MPHOSPH8: variants seen among roughly 807,000 people sequenced by gnomAD.
MPHOSPH8 encodes the protein M-phase phosphoprotein, mpp.
Under a neutral mutation model 87.3 loss-of-function variants are expected in MPHOSPH8, and 45 were observed. The ratio of observed to expected loss-of-function variants is 0.52; its 90% CI spans 0.41 to 0.66. The LOEUF is 0.66. Among genes scored for constraint, MPHOSPH8 ranks in the 30% least tolerant of loss-of-function variants. MPHOSPH8 has a pLI of 0.00. For synonymous variants in MPHOSPH8, 366 were observed against 376.9 expected (o/e 0.97, Z 0.33); for missense variants, 883 against 1,020.2 (o/e 0.87, Z 1.83).
chr13:19,659,702 TA>T lies in MPHOSPH8; in HGVS notation c.1791+420del, dbSNP rs1232296391. On this transcript the variant is annotated intron_variant, in intron 7 of 13. Transcript: ENST00000361479. The stretch of plus-strand genomic sequence containing the variant: ...AATAATGCACGTTCACTTTGTAAAA[TA>T]AAAAAATTGTAGAACCCTATAAATG... 1.4e-5 allele frequency: 6 copies of T among 424,736 alleles called. No individual in the cohort carries two copies. In the East Asian group the frequency reaches 2.1e-4, roughly 15 times the overall value. 26.3% of individuals were successfully genotyped at this position (424,736 alleles called of 1,614,324 possible). A position where few individuals can be genotyped will look rare whatever the true frequency, so the allele number is the denominator to read the frequency against.
chr13:19,671,346 T>A (rs1876116061), intron 13 of MPHOSPH8, 57 bp downstream of exon 13: 1 of 1,484,220 alleles, frequency 6.7e-7, no homozygotes, highest in Non-Finnish European at 9.4e-7. Flanking sequence ...TCCAGATTAC[T>A]TTATCAACAT....
chr13:19,663,005 T>G (rs1433332173), intron 8 of MPHOSPH8, 35 bp from the exon 9 acceptor site: 2 of 1,504,396 alleles, frequency 1.3e-6, no homozygotes, highest in Non-Finnish European at 1.8e-6. Context: ...TTAAATAATT[T>G]GGGAAATTAA....
chr13:19,656,526 G>A (rs959404158), intron 5 of MPHOSPH8, among the ~76,000 whole-genome samples: 4 of 152,116 alleles, frequency 2.6e-5, no homozygotes, highest in South Asian at 4.2e-4. Context: ...TTGGGAGGCC[G>A]AGGCGGGTGG....
At chr13:19,668,788 A>C (rs558725187) in intron 11 of MPHOSPH8, among the ~76,000 whole-genome samples, 1 of 149,744 alleles carries the variant, frequency 6.7e-6, no homozygotes, top group African/African-American at 2.5e-5. Context: ...TTTTATTAAA[A>C]TTCAGCGTCA....
intron 2 of MPHOSPH8, among the ~76,000 whole-genome samples, chr13:19,644,006 T>C (rs1874441115): frequency 6.6e-6 from 1 of 152,262 alleles, no homozygotes; most frequent in Non-Finnish European, 1.5e-5. Flanking sequence ...CTTTCTACTG[T>C]GAATGACAAA....
chr13:19,661,414 T>TA (rs1449606857), intron 7 of MPHOSPH8, among the ~76,000 whole-genome samples: 2 of 152,134 alleles, frequency 1.3e-5, no homozygotes, highest in African/African-American at 4.8e-5. Flanking sequence ...CTTCCCTTTG[T>TA]AAAAAACACA....
At chr13:19,637,839 C>T (rs753564043) in intron 1 of MPHOSPH8, among the ~76,000 whole-genome samples, 10 of 151,928 alleles carry the variant, frequency 6.6e-5, no homozygotes, top group Non-Finnish European at 2.9e-5. Flanking sequence ...CGGTGGGTCA[C>T]GCCTGTAATC....
rs1873831609 is a variant in MPHOSPH8 at position 19,633,733 on chromosome 13, T to C, written c.-16T>C. 1 of 1,575,390 alleles carries C rather than the reference T, an allele frequency of 6.3e-7. No homozygotes were observed. The highest frequency in any genetic ancestry group is 1.2e-5 in the South Asian group (1 of 86,212). On this transcript the variant is annotated 5_prime_UTR_variant, in exon 1 of 14. Transcript: ENST00000361479. The stretch of plus-strand genomic sequence containing the variant: ...GTCGCAGCGGGTTTTCCTCGGCGGT[T>C]TGCGGAGCTGCTAGGATGGAGCAGG...
chr13:19,656,277 C>CAA (rs71198922), intron 5 of MPHOSPH8, among the ~76,000 whole-genome samples: 41,645 of 72,096 alleles, frequency 0.58, 14,246 homozygotes, highest in East Asian at 0.81. Flanking sequence ...AGACTGTTGT[C>CAA]AAAAAAAAAA....
At chr13:19,651,907 G>A (rs1874869592) in intron 5 of MPHOSPH8, among the ~76,000 whole-genome samples, 1 of 151,922 alleles carries the variant, frequency 6.6e-6, no homozygotes, top group African/African-American at 2.4e-5. Flanking sequence ...AGACCAGCCT[G>A]GACAACATGC....
intron 4 of MPHOSPH8, 85 bp downstream of exon 4, chr13:19,648,606 T>G (rs1251128294): frequency 1.8e-6 from 1 of 561,268 alleles, no homozygotes. Flanking sequence ...ATATAAAAAT[T>G]TATATAATTT....
rs138867095 is a variant in MPHOSPH8, at chr13:19,646,813, A to G, written c.740A>G (p.Lys247Arg). The G allele has an allele frequency of 1.7e-4, 264 of 1,592,864 alleles. No homozygotes were observed. The African/African-American group carries it at 3.3e-3, about 20-fold the overall frequency. The change falls in exon 3 of 14, where the codon AAA becomes AGA. Residue 247 changes from lysine (K) to arginine (R), a missense_variant. By Grantham distance (26) the Lys-to-Arg change is conservative. Coordinates refer to ENST00000361479, the MANE Select transcript of MPHOSPH8 (RefSeq NM_017520.4). ...AAGACGAAAACAAGAGAAGATCCCAAAGAAAATAGAAAAACAAAAAAAGAA... is the reference window on the plus strand; with the variant it reads ...AAGACGAAAACAAGAGAAGATCCCAGAGAAAATAGAAAAACAAAAAAAGAA... ...DLKTKTREDP[K>R]ENRKTKKEKF...
In MPHOSPH8 at chr13:19,646,740, G is replaced by A. The variant is rs775673965; in HGVS notation, c.667G>A (p.Glu223Lys). ...AAAGCCCAAAAAAGATGAAGTAAAA[G>A]AAACAAAAGAATTAAAGAAAGTTAA... ...SKKPKKDEVK[E>K]TKELKKVKKG... The change falls in exon 3 of 14, where the codon GAA (glutamate) becomes AAA (lysine). Residue 223 changes from glutamate to lysine, a missense_variant. Physicochemically the swap from Glu to Lys is moderately conservative, Grantham distance 56. Transcript: ENST00000361479. The A allele has an allele frequency of 6.3e-7, 1 of 1,585,456 alleles. No homozygotes were observed. Among genetic ancestry groups the A allele is most frequent in the Non-Finnish European group, 8.5e-7 (1 of 1,169,926 alleles).
intron 9 of MPHOSPH8, among the ~76,000 whole-genome samples, chr13:19,665,705 G>A (rs1281841431): frequency 2.6e-5 from 4 of 152,342 alleles, no homozygotes; most frequent in Non-Finnish European, 4.4e-5. Flanking sequence ...AAGTGACGCT[G>A]CTGCCCCAGC....
At chr13:19,650,333 T>G in intron 5 of MPHOSPH8, 73 bp downstream of exon 5, 1 of 1,478,482 alleles carries the variant, frequency 6.8e-7, no homozygotes. Context: ...CTTCTCTGTA[T>G]TTCTGATCTC....
chr13:19,669,970 C>G (rs1023202976), intron 11 of MPHOSPH8, among the ~76,000 whole-genome samples: 5 of 152,218 alleles, frequency 3.3e-5, no homozygotes, highest in African/African-American at 1.2e-4. Flanking sequence ...AGTTAAATAA[C>G]TTCAGTGTAG....
In MPHOSPH8 at chr13:19,665,076, G is replaced by A. The variant is rs112151270; in HGVS notation, c.2020-1349G>A. Among the ~76,000 whole-genome samples, 167 of 152,198 alleles carry A rather than the reference G, an allele frequency of 1.1e-3. 1 individual carries two copies. The highest frequency in any genetic ancestry group is 3.3e-3 in the African/African-American group (138 of 41,530). ...AGGGCTGTGTGCCTTGCTGAGGTAC[G>A]TGTGTTGAGTTGGGGAGTGGGGTGC... is the stretch of plus-strand genomic sequence containing the variant. On this transcript the variant is annotated intron_variant, in intron 9 of 13. Transcript: ENST00000361479.
rs1009054356 is a variant in MPHOSPH8 at position 19,670,726 on chromosome 13, TTGTAC to T, written c.2457+368_2457+372del. ...TTGCTAGATATAGACATTTTAACAC[TTGTAC>T]TGTATATTGCTGGGGGCATTCTAAT... On this transcript the variant is annotated intron_variant, in intron 12 of 13. Coordinates refer to ENST00000361479, the MANE Select transcript of MPHOSPH8 (RefSeq NM_017520.4). The T allele has an allele frequency of 1.2e-5, 14 of 1,164,446 alleles. No homozygotes were observed. The African/African-American group carries it at 2.1e-4, about 18-fold the overall frequency. The allele number at this position is 1,164,446 out of a possible 1,614,324, so 72.1% of individuals were successfully genotyped here.
rs1874397945 is a variant in MPHOSPH8, at chr13:19,643,385, A to G, written c.369+1115A>G. Among the ~76,000 whole-genome samples the G allele has an allele frequency of 2.0e-5, 3 of 152,106 alleles. No homozygotes were observed. In the South Asian group the frequency reaches 6.2e-4, roughly 32 times the overall value. On this transcript the variant is annotated intron_variant, in intron 2 of 13. Coordinates refer to ENST00000361479, the MANE Select transcript of MPHOSPH8 (RefSeq NM_017520.4). ...CTCAGCCTCCCAAGCAGCTAGGACT[A>G]TAGATACACGCCACCAGGCCTGGCT...
Sources: gnomAD v4.1 joint callset for allele counts (sites outside exome capture counted in the v4.1 genomes callset) on GRCh38, gnomAD v4.1.1 for gene constraint, MANE v1.5 for transcripts, NCBI Gene and HGNC (gene_info 2026-07-23, HGNC 2026-07-21) for gene names.